The following JCAD variants were observed in gnomAD, a reference collection of about 807,000 sequenced individuals.
JCAD encodes junctional cadherin 5-associated protein.
A neutral mutation model predicts 98.0 loss-of-function variants in JCAD; 40 were observed. That is an observed-to-expected ratio of 0.41 (90% CI 0.32 to 0.53). The LOEUF is 0.53. JCAD is among the 20% of genes least tolerant of loss of function. The pLI is 0.31. For missense variants in JCAD, 1,705 were observed against 1,738.1 expected (o/e 0.98, Z 0.34); for synonymous variants, 691 against 682.3 (o/e 1.01, Z -0.20).
rs1238698308 is a variant in JCAD, at chr10:30,017,389, G to A, written c.*494C>T. On this transcript the variant is annotated 3_prime_UTR_variant, in exon 4 of 4. Transcript: ENST00000375377. ...TGATTAGAAATGGATCATACCTATT[G>A]ATTCACATTTCCCCTAAACTGAAAG... is the stretch of plus-strand genomic sequence containing the variant. 1.1e-5 allele frequency: 2 copies of A among 174,142 alleles called. No homozygotes were observed. Among genetic ancestry groups the A allele is most frequent in the African/African-American group, 4.8e-5 (2 of 41,604 alleles). The allele number at this position is 174,142 out of a possible 1,614,324, so 10.8% of individuals were successfully genotyped here.
At chr10:30,063,168 C>A (rs983755752), upstream of JCAD, among the ~76,000 whole-genome samples, 13 of 148,866 alleles carry the variant, frequency 8.7e-5, no homozygotes, top group African/African-American at 2.7e-4. Flanking sequence ...AAAAAAAACT[C>A]GCTTATGTGA....
chr10:30,071,245 CT>C (rs1243945505), intron 1 of JCAD, among the ~76,000 whole-genome samples: 2 of 152,156 alleles, frequency 1.3e-5, no homozygotes, highest in African/African-American at 4.8e-5. Flanking sequence ...TTTCCTAGTT[CT>C]TCTAATTCTT....
chr10:30,036,776 T>G (rs558713934), intron 2 of JCAD, among the ~76,000 whole-genome samples: 2 of 152,352 alleles, frequency 1.3e-5, no homozygotes, highest in East Asian at 3.9e-4. Flanking sequence ...CAGTCAGCCA[T>G]GCTTCGCTGT....
intron 3 of JCAD, among the ~76,000 whole-genome samples, chr10:30,025,689 A>C (rs1836775213): frequency 6.6e-6 from 1 of 151,894 alleles, no homozygotes; most frequent in Non-Finnish European, 1.5e-5. Flanking sequence ...GGAGTTCGAG[A>C]CCAGCCTGAG....
intron 1 of JCAD, among the ~76,000 whole-genome samples, chr10:30,098,357 C>T (rs1403590491): frequency 6.6e-6 from 1 of 152,148 alleles, no homozygotes; most frequent in Non-Finnish European, 1.5e-5. Flanking sequence ...ACCCTCAGAT[C>T]TCAGCTCAAG....
exon 2 of JCAD, chr10:30,069,741 C>T (rs1837853058): frequency 2.0e-5 from 3 of 152,154 alleles, no homozygotes; most frequent in Non-Finnish European, 4.4e-5. Flanking sequence ...AGGAGGATCG[C>T]TTGAGCCCGG....
intron 1 of JCAD, among the ~76,000 whole-genome samples, chr10:30,089,279 T>G (rs1327291586): frequency 2.6e-5 from 4 of 152,172 alleles, no homozygotes; most frequent in Non-Finnish European, 5.9e-5. Flanking sequence ...TCCAGTTCCT[T>G]CTACCTGGCG....
In JCAD at chr10:30,028,997, C is replaced by A; in HGVS notation, c.1151G>T (p.Gly384Val). The change falls in exon 3 of 4, where the codon GGT becomes GTT. Residue 384 changes from glycine (G) to valine (V), a missense_variant. Gly to Val is a moderately radical substitution (Grantham distance 109, BLOSUM62 -3). This residue lies in a region of JCAD where 1,278 missense variants were observed against 1,243.1 expected (regional missense o/e 1.03). Transcript: ENST00000375377. The part of the protein sequence containing the change: ...QSPTEKAGAS[G>V]QPPSGPPGTG... ...TCCAGGGGGGCCTGAAGGAGGCTGACCGCTGGCCCCAGCCTTCTCGGTCGG... is the reference window on the plus strand; with the variant it reads ...TCCAGGGGGGCCTGAAGGAGGCTGAACGCTGGCCCCAGCCTTCTCGGTCGG... 6.2e-7 allele frequency: 1 copy of A among 1,614,010 alleles called. No individual in the cohort carries two copies. The highest frequency in any genetic ancestry group is 8.5e-7 in the Non-Finnish European group (1 of 1,180,014).
intron 3 of JCAD, among the ~76,000 whole-genome samples, chr10:30,020,825 C>T (rs1189790269): frequency 2.0e-5 from 3 of 152,112 alleles, no homozygotes; most frequent in Non-Finnish European, 4.4e-5. Flanking sequence ...ATAAGGTGTG[C>T]GGTCATGAAA....
chr10:30,044,211 C>T (rs1409526057), intron 2 of JCAD, among the ~76,000 whole-genome samples: 1 of 152,204 alleles, frequency 6.6e-6, no homozygotes, highest in Non-Finnish European at 1.5e-5. Flanking sequence ...AATTACCCAG[C>T]CTGTTACAGC....
chr10:30,061,731 C>CT (rs72058801), upstream of JCAD, among the ~76,000 whole-genome samples: 2,346 of 141,900 alleles, frequency 0.017, 50 homozygotes, highest in East Asian at 0.096. Flanking sequence ...GAAATGCAGA[C>CT]TTTTTTTTTT....
intron 1 of JCAD, among the ~76,000 whole-genome samples, chr10:30,115,010 T>A (rs1838767523): frequency 6.6e-6 from 1 of 152,212 alleles, no homozygotes; most frequent in Non-Finnish European, 1.5e-5. Context: ...GAACCGCTTC[T>A]GTATGAGCTG....
intron 1 of JCAD, among the ~76,000 whole-genome samples, chr10:30,104,473 G>A (rs1353299112): frequency 6.6e-6 from 1 of 150,822 alleles, no homozygotes; most frequent in African/African-American, 2.5e-5. Context: ...ACTAATGCAA[G>A]AACAGAAAAC....
intron 2 of JCAD, among the ~76,000 whole-genome samples, chr10:30,040,745 C>G (rs1314331131): frequency 6.6e-6 from 1 of 152,192 alleles, no homozygotes. Context: ...TGCACAGCGG[C>G]CCACCAGTGA....
chr10:30,026,155 C>G lies in JCAD; in HGVS notation c.3993G>C (p.Glu1331Asp). The G allele has an allele frequency of 6.2e-7, 1 of 1,614,210 alleles. No individual in the cohort carries two copies. Among genetic ancestry groups the G allele is most frequent in the Non-Finnish European group, 8.5e-7 (1 of 1,180,044 alleles). The change falls in exon 3 of 4, where the codon GAG becomes GAC. Residue 1331 changes from glutamate to aspartate, a missense_variant. By Grantham distance (45) the Glu-to-Asp change is conservative. Transcript: ENST00000375377. The stretch of plus-strand genomic sequence containing the variant: ...TCTTCTCCTTTTGTGCTGCCGGATG[C>G]TCCTTCTCTTCCCTGGAGATGCTGT... ...SKDSISREEK[E>D]HPAAQKEKSM...
At chr10:30,090,132 T>A (rs1018856492) in intron 1 of JCAD, among the ~76,000 whole-genome samples, 9 of 152,226 alleles carry the variant, frequency 5.9e-5, no homozygotes, top group African/African-American at 2.2e-4. Context: ...TTCTTTATAT[T>A]CCTGTGTTTC....
At chr10:30,109,651 A>G (rs1453539590) in intron 1 of JCAD, among the ~76,000 whole-genome samples, 1 of 152,164 alleles carries the variant, frequency 6.6e-6, no homozygotes, top group Non-Finnish European at 1.5e-5. Context: ...CCATCCCCAC[A>G]ATCCAAGGGT....
At chr10:30,075,317 C>T (rs1042408786) in intron 1 of JCAD, among the ~76,000 whole-genome samples, 1 of 152,122 alleles carries the variant, frequency 6.6e-6, no homozygotes, top group African/African-American at 2.4e-5. Context: ...GGAAGCTGAT[C>T]CCATATAAGC....
intron 3 of JCAD, among the ~76,000 whole-genome samples, chr10:30,021,490 C>G (rs1836658991): frequency 6.6e-6 from 1 of 152,100 alleles, no homozygotes; most frequent in South Asian, 2.1e-4. Flanking sequence ...CCATGCCCAA[C>G]CATCATTATT....
Sources: allele counts gnomAD v4.1 joint callset (sites outside exome capture counted in the v4.1 genomes callset), GRCh38; gene constraint gnomAD v4.1.1; regional missense constraint gnomAD v4.1.1; transcripts MANE v1.5; gene names NCBI Gene and HGNC (gene_info 2026-07-23, HGNC 2026-07-21).